Variants in GPC6 observed in about 807,000 individuals in gnomAD.
The protein encoded by GPC6 is glypican 6.
A neutral mutation model predicts 55.2 loss-of-function variants in GPC6; 14 were observed. The observed-to-expected ratio is 0.25, with a 90% CI of 0.17 to 0.40. The LOEUF (loss-of-function observed/expected upper bound fraction) is 0.40, where lower values mean the gene tolerates loss of function less well. Among genes scored for constraint, GPC6 ranks in the 10% least tolerant of loss-of-function variants. The probability of loss-of-function intolerance (pLI) is 1.00; values close to 1 mark genes in which losing one functional copy is unlikely to be tolerated. For synonymous variants in GPC6, 278 were observed against 259.6 expected (o/e 1.07, Z -0.68); for missense variants, 641 against 708.5 (o/e 0.90, Z 1.08).
intron 4 of GPC6, among the ~76,000 whole-genome samples, chr13:94,093,644 A>T (rs1019119004): frequency 6.6e-6 from 1 of 152,062 alleles, no homozygotes; most frequent in African/African-American, 2.4e-5. Context: ...TAAAAATGTC[A>T]TTGGAGTTTT....
intron 4 of GPC6, among the ~76,000 whole-genome samples, chr13:94,141,035 G>T (rs1887358087): frequency 6.6e-6 from 1 of 152,028 alleles, no homozygotes; most frequent in Non-Finnish European, 1.5e-5. Flanking sequence ...ATGTAAAGAG[G>T]CTTATTCTGA....
chr13:94,283,105 C>G (rs68060396), intron 4 of GPC6, among the ~76,000 whole-genome samples: 5,988 of 152,262 alleles, frequency 0.039, 236 homozygotes, highest in East Asian at 0.18. Flanking sequence ...GTGTCTTTTA[C>G]TCCCTTATTC....
intron 6 of GPC6, among the ~76,000 whole-genome samples, chr13:94,306,733 A>T (rs1381952381): frequency 6.6e-6 from 1 of 152,208 alleles, no homozygotes; most frequent in Non-Finnish European, 1.5e-5. Flanking sequence ...AACCATAAAC[A>T]TAGTAAATAC....
chr13:93,832,144 T>TATATATATAA (rs1467780054), intron 3 of GPC6, among the ~76,000 whole-genome samples: 5 of 100,780 alleles, frequency 5.0e-5, no homozygotes, highest in Non-Finnish European at 9.3e-5. Context: ...TATATATATA[T>TATATATATAA]AATGTCCTTA....
chr13:93,842,277 G>T (rs777509684), intron 3 of GPC6, among the ~76,000 whole-genome samples: 2 of 152,100 alleles, frequency 1.3e-5, no homozygotes, highest in Non-Finnish European at 2.9e-5. Flanking sequence ...AACTGTGCTT[G>T]CAATAAAGCA....
At chr13:94,197,049 T>C (rs1347051692) in intron 4 of GPC6, among the ~76,000 whole-genome samples, 1 of 152,084 alleles carries the variant, frequency 6.6e-6, no homozygotes, top group Non-Finnish European at 1.5e-5. Flanking sequence ...TTTTAACACA[T>C]TGATACCATT....
intron 2 of GPC6, among the ~76,000 whole-genome samples, chr13:93,696,200 A>G (rs1245675767): frequency 1.3e-5 from 2 of 152,306 alleles, no homozygotes; most frequent in East Asian, 3.9e-4. Context: ...CGGCTTTTCA[A>G]CTGGCAAATT....
intron 3 of GPC6, among the ~76,000 whole-genome samples, chr13:93,913,285 A>T (rs772345178): frequency 1.2e-4 from 19 of 152,194 alleles, no homozygotes; most frequent in Admixed American, 6.5e-4. Flanking sequence ...GTGCCGGAAG[A>T]TGGTGTTTGT....
chr13:93,726,103 T>TACAC (rs71811304), intron 2 of GPC6, among the ~76,000 whole-genome samples: 5,564 of 126,770 alleles, frequency 0.044, 135 homozygotes, highest in African/African-American at 0.056. Flanking sequence ...TTTTCCTTCA[T>TACAC]ACACACACAC....
intron 4 of GPC6, among the ~76,000 whole-genome samples, chr13:94,274,368 A>G (rs555677927): frequency 1.3e-5 from 2 of 152,202 alleles, no homozygotes; most frequent in East Asian, 3.9e-4. Flanking sequence ...ATTTGGCCTT[A>G]GTTCTTTGGT....
intron 2 of GPC6, among the ~76,000 whole-genome samples, chr13:93,568,677 T>C (rs925427821): frequency 6.6e-6 from 1 of 152,210 alleles, no homozygotes; most frequent in Non-Finnish European, 1.5e-5. Flanking sequence ...GTGAGACCTC[T>C]GCACATCCTT....
chr13:93,814,171 A>G (rs541303386), intron 2 of GPC6, among the ~76,000 whole-genome samples: 1 of 152,164 alleles, frequency 6.6e-6, no homozygotes, highest in African/African-American at 2.4e-5. Flanking sequence ...ACTCATTGCT[A>G]TTTGAGGAAT....
intron 1 of GPC6, among the ~76,000 whole-genome samples, chr13:93,419,254 AT>A (rs1005126775): frequency 2.6e-5 from 4 of 151,698 alleles, no homozygotes; most frequent in Non-Finnish European, 5.9e-5. Flanking sequence ...TCTCTTTGTG[AT>A]TAGTTGAAAG....
intron 3 of GPC6, among the ~76,000 whole-genome samples, chr13:93,934,051 T>G (rs1878308434): frequency 6.6e-6 from 1 of 152,328 alleles, no homozygotes; most frequent in South Asian, 2.1e-4. Flanking sequence ...CCTGTGACTT[T>G]GGTGGATACA....
intron 3 of GPC6, among the ~76,000 whole-genome samples, chr13:93,836,508 T>C (rs1026395373): frequency 2.0e-5 from 3 of 152,188 alleles, no homozygotes; most frequent in African/African-American, 7.2e-5. Context: ...AAAGTTTTTT[T>C]ATAGTTCATT....
rs755978023 is a variant in GPC6, at chr13:93,444,195, C to CTTCT, written c.161-101066_161-101065insCTTT. On this transcript the variant is annotated intron_variant, in intron 1 of 8. Coordinates refer to ENST00000377047, the MANE Select transcript of GPC6 (RefSeq NM_005708.5). ...AGTAAAAAGTCAAAATGCAATTCTT[C>CTTCT]TTTTTTTTTTTTTTTTTTTGGTAAA... Among the ~76,000 whole-genome samples the CTTCT allele has an allele frequency of 2.8e-3, 308 of 110,680 alleles. 1 individual carries two copies. The highest frequency in any genetic ancestry group is 6.2e-3 in the Middle Eastern group (1 of 162). 72.6% of individuals were successfully genotyped at this position (110,680 alleles called of 152,430 possible). A position where few individuals can be genotyped will look rare whatever the true frequency, so the allele number is the denominator to read the frequency against.
intron 4 of GPC6, among the ~76,000 whole-genome samples, chr13:94,159,499 C>G (rs1031307915): frequency 7.2e-5 from 11 of 152,144 alleles, no homozygotes; most frequent in Admixed American, 6.6e-4. Flanking sequence ...CATCAGATCT[C>G]ATGAGACTTA....
intron 4 of GPC6, among the ~76,000 whole-genome samples, chr13:94,175,937 CATAT>C (rs377560714): frequency 0.032 from 4,067 of 127,846 alleles, 87 homozygotes; most frequent in South Asian, 0.055. Flanking sequence ...CCAAATGAGC[CATAT>C]ATATATATAT....
intron 3 of GPC6, among the ~76,000 whole-genome samples, chr13:93,966,315 TCTC>T (rs1364186026): frequency 1.3e-5 from 2 of 152,196 alleles, no homozygotes; most frequent in Non-Finnish European, 2.9e-5. Flanking sequence ...TGGGTCCTCA[TCTC>T]CTGCACTTGC....
Sources: gnomAD v4.1 joint callset for allele counts (sites outside exome capture counted in the v4.1 genomes callset) on GRCh38, gnomAD v4.1.1 for gene constraint, MANE v1.5 for transcripts, NCBI Gene and HGNC (gene_info 2026-07-23, HGNC 2026-07-21) for gene names.